LEKR1: variants seen among roughly 807,000 people sequenced by gnomAD.
The protein encoded by LEKR1 is leucine, glutamate and lysine rich 1.
A neutral mutation model predicts 72.4 loss-of-function variants in LEKR1; 59 were observed. The ratio of observed to expected loss-of-function variants is 0.82; its 90% CI spans 0.66 to 1.01. LEKR1 has a LOEUF of 1.01. Ranked by LOEUF, LEKR1 falls within the 50% of genes least tolerant of loss-of-function variation. LEKR1 has a pLI of 0.00. For missense variants in LEKR1, 728 were observed against 759.2 expected (o/e 0.96, Z 0.48); for synonymous variants, 257 against 263.2 (o/e 0.98, Z 0.23).
At chr3:156,996,900 T>C (rs1576970152) in intron 9 of LEKR1, among the ~76,000 whole-genome samples, 1 of 151,812 alleles carries the variant, frequency 6.6e-6, no homozygotes, top group Admixed American at 6.6e-5. Context: ...CCCCGTCTCT[T>C]CTAAAAATAC....
At chr3:157,042,001 A>G (rs559553054) in intron 12 of LEKR1, among the ~76,000 whole-genome samples, 1 of 152,228 alleles carries the variant, frequency 6.6e-6, no homozygotes, top group Non-Finnish European at 1.5e-5. Flanking sequence ...CCCCTGAAAT[A>G]GCAATCCCCT....
intron 7 of LEKR1, among the ~76,000 whole-genome samples, chr3:156,980,979 G>A (rs1275504367): frequency 6.6e-6 from 1 of 152,102 alleles, no homozygotes; most frequent in Non-Finnish European, 1.5e-5. Flanking sequence ...GGTCCTATAA[G>A]ATTATAATAC....
At chr3:156,903,415 G>A (rs1383597851) in intron 3 of LEKR1, among the ~76,000 whole-genome samples, 2 of 151,730 alleles carry the variant, frequency 1.3e-5, no homozygotes, top group African/African-American at 2.4e-5. Flanking sequence ...TTAAGGATCG[G>A]TAGAAGCATC....
At chr3:156,943,491 GA>G (rs945610833) in intron 6 of LEKR1, among the ~76,000 whole-genome samples, 93 of 152,022 alleles carry the variant, frequency 6.1e-4, no homozygotes, top group African/African-American at 2.2e-3. Context: ...ACAGAGGAGA[GA>G]ACCAAGGCCC....
chr3:156,984,008 A>G (rs1442978082), intron 7 of LEKR1, among the ~76,000 whole-genome samples: 1 of 152,154 alleles, frequency 6.6e-6, no homozygotes, highest in Non-Finnish European at 1.5e-5. Context: ...GCAAACAGAT[A>G]TTAGAATAAG....
chr3:156,873,660 G>A (rs766614480), intron 3 of LEKR1, among the ~76,000 whole-genome samples: 150 of 151,892 alleles, frequency 9.9e-4, no homozygotes, highest in Non-Finnish European at 1.7e-3. Context: ...ACTTCCTTAA[G>A]CATTTCTTGT....
chr3:156,879,943 GTCTAGGCAT>G (rs1560046795), intron 3 of LEKR1, among the ~76,000 whole-genome samples: 1 of 152,228 alleles, frequency 6.6e-6, no homozygotes, highest in Non-Finnish European at 1.5e-5. Context: ...ACACCTGAAT[GTCTAGGCAT>G]AAGTTTGCTG....
intron 9 of LEKR1, among the ~76,000 whole-genome samples, chr3:157,009,918 G>A (rs1241458844): frequency 6.6e-6 from 1 of 151,948 alleles, no homozygotes; most frequent in African/African-American, 2.4e-5. Context: ...TCTTTAGTGA[G>A]CTTTGGTAGT....
intron 3 of LEKR1, among the ~76,000 whole-genome samples, chr3:156,897,909 T>G (rs1296498168): frequency 1.3e-5 from 2 of 149,452 alleles, no homozygotes; most frequent in Non-Finnish European, 3.0e-5. Flanking sequence ...GCTGACATTG[T>G]GCCACTGCAC....
Position 156,898,269 on chromosome 3 carries a change from G to T in LEKR1, c.264-22306G>T, listed in dbSNP as rs527881076. Among the ~76,000 whole-genome samples the T allele has an allele frequency of 6.6e-5, 10 of 152,214 alleles. No homozygotes were observed. In the South Asian group the frequency reaches 1.7e-3, roughly 25 times the overall value. Reference sequence around the variant, plus strand: ...TCTAGTAATGTTATGCCAGAGTCAGGTTGGAAAATAAGTCACAACATATAG... The same window carrying T: ...TCTAGTAATGTTATGCCAGAGTCAGTTTGGAAAATAAGTCACAACATATAG... On this transcript the variant is annotated intron_variant, in intron 3 of 12. Transcript: ENST00000356539.
At chr3:156,874,450 T>G (rs1307259592) in intron 3 of LEKR1, among the ~76,000 whole-genome samples, 1 of 152,198 alleles carries the variant, frequency 6.6e-6, no homozygotes, top group Non-Finnish European at 1.5e-5. Flanking sequence ...TTTAATAAAC[T>G]AGTAGTTCTC....
chr3:156,897,610 A>G (rs1414734016), intron 3 of LEKR1, among the ~76,000 whole-genome samples: 5 of 152,202 alleles, frequency 3.3e-5, no homozygotes, highest in South Asian at 2.1e-4. Flanking sequence ...GAGTTTGTCT[A>G]TAGACCTGGG....
At chr3:156,917,926 G>C (rs139048639) in intron 3 of LEKR1, among the ~76,000 whole-genome samples, 1 of 152,096 alleles carries the variant, frequency 6.6e-6, no homozygotes, top group Non-Finnish European at 1.5e-5. Context: ...CTCCAGGAAG[G>C]CTACCTCCTG....
intron 3 of LEKR1, among the ~76,000 whole-genome samples, chr3:156,879,812 G>T (rs984733694): frequency 3.9e-5 from 6 of 152,220 alleles, no homozygotes; most frequent in African/African-American, 1.4e-4. Context: ...TCGGGTTGTG[G>T]CTTCAGAGAG....
At chr3:156,947,610 C>T (rs1276178729) in intron 6 of LEKR1, among the ~76,000 whole-genome samples, 1 of 150,988 alleles carries the variant, frequency 6.6e-6, no homozygotes, top group Non-Finnish European at 1.5e-5. Context: ...AGAACCCCGT[C>T]GTAATTGGTA....
chr3:156,863,932 G>GGTTGA (rs1717039572), intron 3 of LEKR1, among the ~76,000 whole-genome samples: 1 of 151,988 alleles, frequency 6.6e-6, no homozygotes. Flanking sequence ...AACCAGGGTT[G>GGTTGA]GTTGAGTTGA....
intron 3 of LEKR1, among the ~76,000 whole-genome samples, chr3:156,873,661 C>T (rs1434505255): frequency 6.6e-6 from 1 of 151,960 alleles, no homozygotes; most frequent in African/African-American, 2.4e-5. Flanking sequence ...CTTCCTTAAG[C>T]ATTTCTTGTA....
rs1483526568 is a variant in LEKR1, at chr3:156,839,467, C to G, written c.48+10090C>G. Among the ~76,000 whole-genome samples, 4 of 152,134 alleles carry G rather than the reference C, an allele frequency of 2.6e-5. No individual in the cohort carries two copies. The East Asian group carries it at 7.7e-4, about 29-fold the overall frequency. ...AGAAATTCCTTCTAGAGAAAACTGTCCAGACGTTGTGCATGACTTCAAAGG... is the reference window on the plus strand; with the variant it reads ...AGAAATTCCTTCTAGAGAAAACTGTGCAGACGTTGTGCATGACTTCAAAGG... On this transcript the variant is annotated intron_variant, in intron 2 of 12. Transcript: ENST00000356539.
chr3:156,979,340 A>G, intron 7 of LEKR1, 65 bp downstream of exon 7: 1 of 726,082 alleles, frequency 1.4e-6, no homozygotes, highest in Middle Eastern at 3.0e-4. Context: ...AATGGCAAGA[A>G]TTAGGAAGAA....
Sources: gnomAD v4.1 joint callset for allele counts (sites outside exome capture counted in the v4.1 genomes callset) on GRCh38, gnomAD v4.1.1 for gene constraint, MANE v1.5 for transcripts, NCBI Gene and HGNC (gene_info 2026-07-23, HGNC 2026-07-21) for gene names.